Variants in ARID4B observed in about 807,000 individuals in gnomAD.
ARID4B encodes AT-rich interactive domain-containing protein 4B.
ARID4B carries 26 observed loss-of-function variants against 147.5 expected under a neutral mutation model. The observed-to-expected ratio is 0.18, with a 90% confidence interval of 0.13 to 0.24. The LOEUF is 0.24. ARID4B is among the 10% of genes least tolerant of loss of function. The probability of loss-of-function intolerance (pLI) is 1.00; values close to 1 mark genes in which losing one functional copy is unlikely to be tolerated. For synonymous variants in ARID4B, 512 were observed against 507.9 expected (o/e 1.01, Z -0.11); for missense variants, 1,179 against 1,511.5 (o/e 0.78, Z 3.65).
chr1:235,172,528 A>C, intron 23 of ARID4B, 90 bp downstream of exon 23: 1 of 893,196 alleles, frequency 1.1e-6, no homozygotes, highest in East Asian at 3.0e-5. Context: ...CAGTGAGCCG[A>C]GATTGCGCCA....
chr1:235,180,347 G>A (rs1434113355), intron 20 of ARID4B: 1 of 151,908 alleles, frequency 6.6e-6, no homozygotes, highest in African/African-American at 2.4e-5. Flanking sequence ...ATGTTGTCCA[G>A]GCTGGTCTTG....
chr1:235,326,729 T>G (rs1374371006), intron 2 of ARID4B, 185 bp downstream of exon 2: 17 of 674,624 alleles, frequency 2.5e-5, no homozygotes, highest in Non-Finnish European at 4.3e-5. Context: ...ATCCTATAAC[T>G]GCCTCCAACT....
intron 19 of ARID4B, among the ~76,000 whole-genome samples, chr1:235,193,155 G>A (rs1472156646): frequency 1.3e-5 from 2 of 151,758 alleles, no homozygotes; most frequent in African/African-American, 2.4e-5. Context: ...CCTAGCACTC[G>A]GGAGGCTAAG....
At chr1:235,313,365 T>C (rs1233870097) in intron 2 of ARID4B, among the ~76,000 whole-genome samples, 1 of 151,840 alleles carries the variant, frequency 6.6e-6, no homozygotes, top group South Asian at 2.1e-4. Context: ...GAAATAGACA[T>C]AAGCCAAGCT....
Position 235,193,226 on chromosome 1 carries a change from G to A in ARID4B, c.2125+787C>T, listed in dbSNP as rs113865922. 5.3e-3 allele frequency among the ~76,000 whole-genome samples: 803 copies of A among 152,264 alleles called. 2 individuals are homozygous for A. Among genetic ancestry groups the A allele is most frequent in the South Asian group, 9.5e-3 (46 of 4,828 alleles). On this transcript the variant is annotated intron_variant, in intron 19 of 23. Coordinates refer to ENST00000264183, the MANE Select transcript of ARID4B (RefSeq NM_016374.6). ...AGCCTGGTCAACAGGGCAAAACCCC[G>A]TCTCTAGAAACAATATAAATATTAG...
At chr1:235,255,601 T>C (rs1669934157) in intron 5 of ARID4B, 59 bp downstream of exon 5, 1 of 1,067,380 alleles carries the variant, frequency 9.4e-7, no homozygotes, top group East Asian at 2.6e-5. Context: ...ATTTTATTTG[T>C]ATTAAGTTTT....
At chr1:235,268,366 T>C (rs1225453052) in intron 2 of ARID4B, among the ~76,000 whole-genome samples, 1 of 119,950 alleles carries the variant, frequency 8.3e-6, no homozygotes, top group Admixed American at 8.9e-5. Context: ...TGTGTATATA[T>C]ACATACACAC....
intron 2 of ARID4B, among the ~76,000 whole-genome samples, chr1:235,319,025 G>A (rs1448848142): frequency 2.0e-5 from 3 of 152,070 alleles, no homozygotes; most frequent in African/African-American, 2.4e-5. Context: ...GATAAGTAAC[G>A]TGCCTGAAGT....
At chr1:235,308,711 G>A (rs1331949764) in intron 2 of ARID4B, among the ~76,000 whole-genome samples, 2 of 152,202 alleles carry the variant, frequency 1.3e-5, no homozygotes, top group South Asian at 2.1e-4. Context: ...TCCTAACCGC[G>A]AGTGATCCGC....
intron 2 of ARID4B, among the ~76,000 whole-genome samples, chr1:235,301,519 A>T (rs1292331774): frequency 1.4e-5 from 2 of 143,310 alleles, no homozygotes; most frequent in African/African-American, 2.5e-5. Context: ...AGCCGGTGAG[A>T]GTGAGACCCT....
chr1:235,290,918 C>G (rs944676628), intron 2 of ARID4B, among the ~76,000 whole-genome samples: 7 of 152,160 alleles, frequency 4.6e-5, no homozygotes, highest in African/African-American at 1.7e-4. Flanking sequence ...CAACATAGTG[C>G]TACCGTGTCT....
rs183678525 is a variant in ARID4B at position 235,167,292 on chromosome 1, T to A, written c.*1233A>T. 2 of 218,350 alleles carry A rather than the reference T, an allele frequency of 9.2e-6. No individual in the cohort carries two copies. Among genetic ancestry groups the A allele is most frequent in the Non-Finnish European group, 1.8e-5 (2 of 108,414 alleles). 13.5% of individuals were successfully genotyped at this position (218,350 alleles called of 1,614,324 possible). A position where few individuals can be genotyped will look rare whatever the true frequency, so the allele number is the denominator to read the frequency against. On this transcript the variant is annotated 3_prime_UTR_variant, in exon 24 of 24. Coordinates refer to ENST00000264183, the MANE Select transcript of ARID4B (RefSeq NM_016374.6). ...AACTACAATTAAAACAGTAAAACAG[T>A]CTGTACAATAAAGTACTGTGTATTA... is the stretch of plus-strand genomic sequence containing the variant.
intron 14 of ARID4B, 93 bp from the exon 15 acceptor site, chr1:235,220,638 ACT>A (rs1572010365): frequency 4.1e-6 from 4 of 985,676 alleles, no homozygotes; most frequent in Middle Eastern, 3.1e-4. Context: ...TTTTGTCTAA[ACT>A]CTCAGATATT....
intron 2 of ARID4B, among the ~76,000 whole-genome samples, chr1:235,301,718 T>C (rs1673158516): frequency 1.4e-5 from 2 of 142,500 alleles, no homozygotes; most frequent in African/African-American, 2.7e-5. Context: ...CCTAACTAAT[T>C]CTTTTTTTTT....
Position 235,193,254 on chromosome 1 carries a change from G to A in ARID4B, c.2125+759C>T, listed in dbSNP as rs191755146. ...TCTAGAAACAATATAAATATTAGCC[G>A]GGCATGGTGGCATGCGCCTGCAGCT... On this transcript the variant is annotated intron_variant, in intron 19 of 23. Transcript: ENST00000264183. Among the ~76,000 whole-genome samples the A allele has an allele frequency of 2.1e-3, 319 of 152,194 alleles. 2 individuals are homozygous for A. Among genetic ancestry groups the A allele is most frequent in the African/African-American group, 7.4e-3 (307 of 41,528 alleles).
At chr1:235,228,289 T>C (rs1360796146) in intron 11 of ARID4B, 1 of 139,460 alleles carries the variant, frequency 7.2e-6, no homozygotes, top group Non-Finnish European at 1.6e-5. Context: ...TAGGTTCTTT[T>C]TTTTTTTTTT....
At chr1:235,246,648 C>A in intron 6 of ARID4B, 137 bp from the exon 7 acceptor site, 5 of 575,412 alleles carry the variant, frequency 8.7e-6, no homozygotes, top group Non-Finnish European at 1.2e-5. Context: ...ACACAGCTTT[C>A]CTAAAGATAG....
chr1:235,297,105 C>G (rs1468286045), intron 2 of ARID4B, among the ~76,000 whole-genome samples: 2 of 152,020 alleles, frequency 1.3e-5, no homozygotes, highest in African/African-American at 4.8e-5. Flanking sequence ...CAAAGTGAAC[C>G]TGATATCCCT....
At chr1:235,319,606 T>A (rs1572235747) in intron 2 of ARID4B, among the ~76,000 whole-genome samples, 1 of 152,288 alleles carries the variant, frequency 6.6e-6, no homozygotes, top group South Asian at 2.1e-4. Context: ...CTCAACTCAA[T>A]GTTCACTGCT....
Sources: allele counts gnomAD v4.1 joint callset (sites outside exome capture counted in the v4.1 genomes callset), GRCh38; gene constraint gnomAD v4.1.1; transcripts MANE v1.5; gene names NCBI Gene and HGNC (gene_info 2026-07-23, HGNC 2026-07-21).